CORIN: variants seen among roughly 807,000 people sequenced by gnomAD.
CORIN encodes corin, serine peptidase, also known as atrial natriuretic peptide-converting enzyme.
CORIN carries 117 observed loss-of-function variants against 125.3 expected under a neutral mutation model. That is an observed-to-expected ratio of 0.93 (90% CI 0.80 to 1.09). CORIN has a LOEUF of 1.09. Ranked by LOEUF, CORIN falls within the 50% of genes least tolerant of loss-of-function variation. The pLI, the probability that CORIN is intolerant of heterozygous loss-of-function variation, is 0.00. For synonymous variants in CORIN, 450 were observed against 466.4 expected (o/e 0.96, Z 0.45); for missense variants, 1,253 against 1,306.7 (o/e 0.96, Z 0.63).
At chr4:47,718,543 T>C (rs1002973267) in intron 5 of CORIN, among the ~76,000 whole-genome samples, 2 of 152,248 alleles carry the variant, frequency 1.3e-5, no homozygotes, top group African/African-American at 2.4e-5. Context: ...GTTATTACTA[T>C]AAGAACCTTG....
At chr4:47,685,090 A>C (rs1472618287) in intron 6 of CORIN, among the ~76,000 whole-genome samples, 1 of 152,194 alleles carries the variant, frequency 6.6e-6, no homozygotes, top group Non-Finnish European at 1.5e-5. Context: ...TAATAATGCC[A>C]CCTTGGAAAA....
intron 5 of CORIN, among the ~76,000 whole-genome samples, chr4:47,729,015 C>A (rs1156282875): frequency 6.6e-6 from 1 of 152,158 alleles, no homozygotes; most frequent in Non-Finnish European, 1.5e-5. Flanking sequence ...GATCTATAAA[C>A]AAGAATTACG....
intron 6 of CORIN, among the ~76,000 whole-genome samples, chr4:47,690,253 G>A (rs545954515): frequency 1.3e-5 from 2 of 152,296 alleles, no homozygotes; most frequent in South Asian, 4.1e-4. Flanking sequence ...AGGCAGACGA[G>A]CTGAAAGAAA....
intron 21 of CORIN, among the ~76,000 whole-genome samples, chr4:47,596,619 A>C (rs2109495226): frequency 6.6e-6 from 1 of 152,316 alleles, no homozygotes; most frequent in East Asian, 1.9e-4. Context: ...AGAGATAGCA[A>C]TACTTGCTAC....
intron 4 of CORIN, among the ~76,000 whole-genome samples, chr4:47,761,194 T>C (rs1465941111): frequency 6.6e-6 from 1 of 152,180 alleles, no homozygotes; most frequent in East Asian, 1.9e-4. Flanking sequence ...TGGCTAACTG[T>C]TGGGTGCAAG....
intron 10 of CORIN, among the ~76,000 whole-genome samples, chr4:47,669,088 T>C (rs894988950): frequency 2.6e-5 from 4 of 152,140 alleles, no homozygotes; most frequent in East Asian, 1.9e-4. Flanking sequence ...GCTTCCGATA[T>C]AAGTTTGATG....
At chr4:47,728,887 A>T (rs771214570) in intron 5 of CORIN, among the ~76,000 whole-genome samples, 2 of 152,228 alleles carry the variant, frequency 1.3e-5, no homozygotes, top group African/African-American at 2.4e-5. Flanking sequence ...GCTTGGCAAG[A>T]GAGTGAGAAG....
At chr4:47,661,023 G>C (rs1261007898) in intron 12 of CORIN, among the ~76,000 whole-genome samples, 1 of 152,170 alleles carries the variant, frequency 6.6e-6, no homozygotes, top group Non-Finnish European at 1.5e-5. Context: ...CCTGTCGTTT[G>C]CAACAACAAG....
At chr4:47,765,235 C>T (rs1409217791) in intron 3 of CORIN, among the ~76,000 whole-genome samples, 3 of 151,324 alleles carry the variant, frequency 2.0e-5, no homozygotes, top group African/African-American at 7.3e-5. Flanking sequence ...GGTGTGAACC[C>T]GGGAGGCGGA....
At chr4:47,650,261 C>T (rs1407397721) in intron 13 of CORIN, among the ~76,000 whole-genome samples, 1 of 152,226 alleles carries the variant, frequency 6.6e-6, no homozygotes, top group Non-Finnish European at 1.5e-5. Flanking sequence ...CAGACATTTG[C>T]ATTGCTGTCA....
At chr4:47,813,797 G>T (rs1732154525) in intron 1 of CORIN, among the ~76,000 whole-genome samples, 1 of 152,154 alleles carries the variant, frequency 6.6e-6, no homozygotes, top group South Asian at 2.1e-4. Flanking sequence ...ACTTTATTTA[G>T]ATGTACAAAC....
intron 9 of CORIN, among the ~76,000 whole-genome samples, chr4:47,675,754 T>A (rs1724986855): frequency 6.6e-6 from 1 of 152,170 alleles, no homozygotes; most frequent in South Asian, 2.1e-4. Context: ...TATTGTTTCA[T>A]AGAGATGGGG....
intron 21 of CORIN, 150 bp from the exon 22 acceptor site, chr4:47,596,053 G>C: frequency 1.9e-6 from 1 of 518,612 alleles, no homozygotes; most frequent in Admixed American, 3.8e-5. Flanking sequence ...TGGAGGAGTT[G>C]TGCTTTCCAC....
chr4:47,594,563 A>G lies in CORIN; in HGVS notation c.*1158T>C, dbSNP rs1443613466. On this transcript the variant is annotated 3_prime_UTR_variant, in exon 22 of 22. Coordinates refer to ENST00000273857, the MANE Select transcript of CORIN (RefSeq NM_006587.4). ...TTAATTACCAATGAGAAGAAACCAG[A>G]TATTAAACATCTTTTGAGGAAAATT... is the stretch of plus-strand genomic sequence containing the variant. The G allele has an allele frequency of 2.0e-5, 3 of 152,364 alleles. No individual in the cohort carries two copies. Among genetic ancestry groups the G allele is most frequent in the Admixed American group, 1.3e-4 (2 of 15,256 alleles). 9.4% of individuals were successfully genotyped at this position (152,364 alleles called of 1,614,324 possible).
At chr4:47,615,480 C>T (rs1284503083) in intron 19 of CORIN, among the ~76,000 whole-genome samples, 1 of 152,182 alleles carries the variant, frequency 6.6e-6, no homozygotes, top group East Asian at 1.9e-4. Flanking sequence ...TATATTATAA[C>T]TTTATTAGGA....
intron 5 of CORIN, among the ~76,000 whole-genome samples, chr4:47,709,304 T>C (rs1726728823): frequency 8.1e-6 from 1 of 123,758 alleles, no homozygotes; most frequent in Non-Finnish European, 1.8e-5. Context: ...TATTTATTTA[T>C]TTATTTAGAC....
chr4:47,824,114 T>TC (rs1732637244), intron 1 of CORIN, among the ~76,000 whole-genome samples: 1 of 147,520 alleles, frequency 6.8e-6, no homozygotes, highest in African/African-American at 2.6e-5. Flanking sequence ...TCAATGCTAT[T>TC]CCTTTTTTTT....
intron 21 of CORIN, among the ~76,000 whole-genome samples, chr4:47,596,629 CATCTGA>C (rs917304488): frequency 3.3e-5 from 5 of 152,226 alleles, no homozygotes; most frequent in Admixed American, 3.3e-4. Flanking sequence ...ATACTTGCTA[CATCTGA>C]AAACAAAGGT....
At chr4:47,641,752 C>A (rs1209132067) in intron 16 of CORIN, among the ~76,000 whole-genome samples, 168 bp downstream of exon 16, 1 of 152,212 alleles carries the variant, frequency 6.6e-6, no homozygotes, top group Non-Finnish European at 1.5e-5. Context: ...CTCTTCAGGG[C>A]AGGTGCCTAT....
Sources: allele counts gnomAD v4.1 joint callset (sites outside exome capture counted in the v4.1 genomes callset), GRCh38; gene constraint gnomAD v4.1.1; transcripts MANE v1.5; gene names NCBI Gene and HGNC (gene_info 2026-07-23, HGNC 2026-07-21).